Variants in CBL observed in about 807,000 individuals in gnomAD.
The protein encoded by CBL is Cbl proto-oncogene, also known as E3 ubiquitin-protein ligase CBL.
Under a neutral mutation model 96.9 loss-of-function variants are expected in CBL, and 45 were observed. The ratio of observed to expected loss-of-function variants is 0.46; its 90% CI spans 0.37 to 0.60. The LOEUF is 0.60. Among genes scored for constraint, CBL ranks in the 20% least tolerant of loss-of-function variants. The probability of loss-of-function intolerance (pLI) is 0.00; values close to 1 mark genes in which losing one functional copy is unlikely to be tolerated. For missense variants in CBL, 1,024 were observed against 1,143.5 expected (o/e 0.90, Z 1.51); for synonymous variants, 420 against 426.8 (o/e 0.98, Z 0.20).
At chr11:119,255,796 A>T (rs1302597446) in intron 2 of CBL, among the ~76,000 whole-genome samples, 1 of 152,106 alleles carries the variant, frequency 6.6e-6, no homozygotes, top group Non-Finnish European at 1.5e-5. Context: ...AAATGAATGT[A>T]TGTCTATATA....
chr11:119,277,626 G>A, intron 6 of CBL, 131 bp from the exon 7 acceptor site: 1 of 665,226 alleles, frequency 1.5e-6, no homozygotes, highest in Middle Eastern at 2.5e-4. Context: ...TTTTTTTGAA[G>A]TAAGATTGAT....
At chr11:119,227,181 T>TCAGCACTTTATAA (rs1318767473) in intron 1 of CBL, among the ~76,000 whole-genome samples, 1 of 152,236 alleles carries the variant, frequency 6.6e-6, no homozygotes, top group Non-Finnish European at 1.5e-5. Context: ...CATCAGTTAT[T>TCAGCACTTTATAA]CAGCACTTTA....
chr11:119,282,536 T>A (rs2135307936), intron 9 of CBL, among the ~76,000 whole-genome samples: 1 of 152,246 alleles, frequency 6.6e-6, no homozygotes, highest in South Asian at 2.1e-4. Flanking sequence ...CAGGAAACAC[T>A]GAGGAGATGA....
At chr11:119,277,458 A>G (rs749577529) in intron 6 of CBL, among the ~76,000 whole-genome samples, 9 of 152,304 alleles carry the variant, frequency 5.9e-5, no homozygotes, top group Non-Finnish European at 1.2e-4. Context: ...ATGATTTTCT[A>G]TCTGGCCCTT....
At chr11:119,291,673 A>G (rs185314307) in intron 12 of CBL, among the ~76,000 whole-genome samples, 125 of 152,302 alleles carry the variant, frequency 8.2e-4, no homozygotes, top group Non-Finnish European at 5.1e-4. Flanking sequence ...GTGCCACTGC[A>G]CTCCAGCGTG....
intron 2 of CBL, among the ~76,000 whole-genome samples, chr11:119,244,133 G>C (rs914009316): frequency 6.6e-6 from 1 of 152,150 alleles, no homozygotes. Context: ...GTAGTAATAT[G>C]ATCGCTAGAT....
intron 6 of CBL, 147 bp from the exon 7 acceptor site, chr11:119,277,610 G>GT: frequency 3.1e-6 from 2 of 655,020 alleles, no homozygotes; most frequent in East Asian, 2.7e-5. Flanking sequence ...TTTTTTGGAA[G>GT]TATTTTTTTT....
chr11:119,298,268 T>C (rs1259475060), intron 14 of CBL, 90 bp from the exon 15 acceptor site: 5 of 1,109,134 alleles, frequency 4.5e-6, no homozygotes, highest in Non-Finnish European at 6.9e-6. Flanking sequence ...AATGATTGCA[T>C]ACATGTAAAA....
intron 2 of CBL, among the ~76,000 whole-genome samples, chr11:119,237,757 G>T (rs1949556267): frequency 6.6e-6 from 1 of 152,162 alleles, no homozygotes; most frequent in Non-Finnish European, 1.5e-5. Flanking sequence ...CTATCTTAAT[G>T]CTAGTACCAC....
Position 119,306,697 on chromosome 11 carries a change from T to C in CBL, c.*6916T>C, listed in dbSNP as rs1003606608. ...GTCTTCCATGGCCTGTTTCTCCTGC[T>C]GTCTGGGTGAGTGAGCCTGCAACGC... On this transcript the variant is annotated 3_prime_UTR_variant, in exon 16 of 16. Transcript: ENST00000264033. 9 of 263,756 alleles carry C rather than the reference T, an allele frequency of 3.4e-5. No individual in the cohort carries two copies. The highest frequency in any genetic ancestry group is 1.5e-4 in the African/African-American group (7 of 46,290). 16.3% of individuals were successfully genotyped at this position (263,756 alleles called of 1,614,324 possible).
At chr11:119,233,996 C>A (rs1367981013) in intron 2 of CBL, among the ~76,000 whole-genome samples, 1 of 151,922 alleles carries the variant, frequency 6.6e-6, no homozygotes, top group African/African-American at 2.4e-5. Flanking sequence ...TTCTTTCTTT[C>A]TTTCTTTTGT....
chr11:119,297,957 G>A (rs905998492), intron 14 of CBL, among the ~76,000 whole-genome samples: 3 of 152,004 alleles, frequency 2.0e-5, no homozygotes, highest in African/African-American at 7.3e-5. Flanking sequence ...CTTTTATGTG[G>A]GGGTGGTGAA....
At position 119,307,705 on chromosome 11, in the gene CBL, C is replaced by A. The variant is rs758281196; in HGVS notation, c.*7924C>A. On this transcript the variant is annotated 3_prime_UTR_variant, in exon 16 of 16. Transcript: ENST00000264033. ...AATTGGGAGACAGAAATTTTAAAGT[C>A]CTCCTTATTCAAGATTTTGAAATTC... is the stretch of plus-strand genomic sequence containing the variant. 5.2e-4 allele frequency: 118 copies of A among 224,938 alleles called. No individual in the cohort carries two copies. Among genetic ancestry groups the A allele is most frequent in the Non-Finnish European group, 8.2e-4 (93 of 112,810 alleles). The allele number at this position is 224,938 out of a possible 1,614,324, so 13.9% of individuals were successfully genotyped here.
At chr11:119,236,903 C>T (rs1465653026) in intron 2 of CBL, among the ~76,000 whole-genome samples, 1 of 152,030 alleles carries the variant, frequency 6.6e-6, no homozygotes, top group Non-Finnish European at 1.5e-5. Flanking sequence ...TTTAACCTTC[C>T]TTGGATTCAG....
Position 119,278,839 on chromosome 11 carries a change from A to T in CBL, c.1431+126A>T, listed in dbSNP as rs1949910789. ...AATAGCTAATATTTATTGAGCATTT[A>T]CTATATGACAGATATTGTGTTAAGC... On this transcript the variant is annotated intron_variant, in intron 9 of 15. Coordinates refer to ENST00000264033, the MANE Select transcript of CBL (RefSeq NM_005188.4). The T allele has an allele frequency of 6.5e-6, 5 of 772,790 alleles. No homozygotes were observed. The Admixed American group carries it at 1.0e-4, about 15-fold the overall frequency. The allele number at this position is 772,790 out of a possible 1,614,324, so 47.9% of individuals were successfully genotyped here.
chr11:119,272,202 A>G (rs1949854565), intron 3 of CBL, among the ~76,000 whole-genome samples: 1 of 152,076 alleles, frequency 6.6e-6, no homozygotes, highest in African/African-American at 2.4e-5. Flanking sequence ...ACTTACTGCA[A>G]GCTCTGCCTC....
At chr11:119,222,322 A>G (rs981999917) in intron 1 of CBL, among the ~76,000 whole-genome samples, 3 of 152,164 alleles carry the variant, frequency 2.0e-5, no homozygotes, top group East Asian at 1.9e-4. Flanking sequence ...AAGTTTAGCA[A>G]TTTTCAAGCA....
At chr11:119,220,561 T>C (rs979279577) in intron 1 of CBL, among the ~76,000 whole-genome samples, 3 of 152,174 alleles carry the variant, frequency 2.0e-5, no homozygotes, top group Admixed American at 6.5e-5. Context: ...ATGACGCCAC[T>C]GCACTCCAAT....
At chr11:119,242,957 T>G (rs994195548) in intron 2 of CBL, among the ~76,000 whole-genome samples, 10 of 151,964 alleles carry the variant, frequency 6.6e-5, no homozygotes, top group African/African-American at 1.9e-4. Context: ...AGTTTAACCT[T>G]TCTGGGGTGG....
Sources: gnomAD v4.1 joint callset for allele counts (sites outside exome capture counted in the v4.1 genomes callset) on GRCh38, gnomAD v4.1.1 for gene constraint, MANE v1.5 for transcripts, NCBI Gene and HGNC (gene_info 2026-07-23, HGNC 2026-07-21) for gene names.